Variants in GRID2 observed in about 807,000 individuals in gnomAD.
GRID2 encodes the protein glutamate ionotropic receptor delta type subunit 2, also known as glutamate receptor ionotropic, delta-2.
GRID2 carries 33 observed loss-of-function variants against 114.8 expected under a neutral mutation model. The observed-to-expected ratio is 0.29, with a 90% CI of 0.22 to 0.38. The LOEUF (loss-of-function observed/expected upper bound fraction) is 0.38. Ranked by LOEUF, GRID2 falls within the 10% of genes least tolerant of loss-of-function variation. The pLI is 1.00. For missense variants in GRID2, 1,184 were observed against 1,257.7 expected, an observed-to-expected ratio of 0.94 and a Z score of 0.89; for synonymous variants, 505 against 449.9, an observed-to-expected ratio of 1.12 and a Z score of -1.55.
intron 2 of GRID2, among the ~76,000 whole-genome samples, chr4:92,599,218 A>G (rs572903184): frequency 6.6e-6 from 1 of 152,194 alleles, no homozygotes; most frequent in Non-Finnish European, 1.5e-5. Flanking sequence ...TGGGAAGTAG[A>G]GAAAGGCCAT....
rs1205777592 is a variant in GRID2, at chr4:93,497,426, G to A, written c.1997+6649G>A. On this transcript the variant is annotated intron_variant, in intron 12 of 15. Coordinates refer to ENST00000282020, the MANE Select transcript of GRID2 (RefSeq NM_001510.4). The stretch of plus-strand genomic sequence containing the variant: ...GATTGTGCTTTTGGTTTCATGTCTA[G>A]CACTCTTCAATAAGTCCAAGGTCAT... Among the ~76,000 whole-genome samples the A allele has an allele frequency of 4.0e-5, 6 of 151,628 alleles. No individual in the cohort carries two copies. In the East Asian group the frequency reaches 1.2e-3, roughly 29 times the overall value.
chr4:93,084,957 C>A, intron 2 of GRID2, 38 bp from the exon 3 acceptor site: 1 of 1,558,632 alleles, frequency 6.4e-7, no homozygotes, highest in Non-Finnish European at 8.8e-7. Flanking sequence ...CTATGTGAAA[C>A]CCACTGACAT....
chr4:92,697,895 G>A (rs2149298682), intron 2 of GRID2, among the ~76,000 whole-genome samples: 1 of 152,180 alleles, frequency 6.6e-6, no homozygotes, highest in Non-Finnish European at 1.5e-5. Context: ...GAGATAGCAT[G>A]AGAGAAGTCT....
intron 1 of GRID2, among the ~76,000 whole-genome samples, chr4:92,477,083 GTGTGTGTGTGTGTGT>G (rs1312392657): frequency 7.1e-6 from 1 of 141,088 alleles, no homozygotes; most frequent in Non-Finnish European, 1.6e-5. Flanking sequence ...GTGTGTGTGT[GTGTGTGTGTGTGTGT>G]TTGCTTAGTA....
intron 2 of GRID2, among the ~76,000 whole-genome samples, chr4:92,812,638 A>G (rs1740715251): frequency 6.6e-6 from 1 of 152,106 alleles, no homozygotes; most frequent in African/African-American, 2.4e-5. Flanking sequence ...TTCTTATCCA[A>G]GCTGAATTAT....
Position 92,749,556 on chromosome 4 carries a change from G to A in GRID2, c.244+159270G>A, listed in dbSNP as rs1385878025. On this transcript the variant is annotated intron_variant, in intron 2 of 15. Coordinates refer to ENST00000282020, the MANE Select transcript of GRID2 (RefSeq NM_001510.4). ...TCTCCATCTCTTGACCTCGTGATCC[G>A]CCCGCCTCGGCCTCCCAAGATTTGT... is the stretch of plus-strand genomic sequence containing the variant. Among the ~76,000 whole-genome samples, 6 of 151,962 alleles carry A rather than the reference G, an allele frequency of 3.9e-5. No homozygotes were observed. The East Asian group carries it at 9.7e-4, about 25-fold the overall frequency.
At chr4:93,203,878 AG>A (rs1742376609) in intron 4 of GRID2, 1 of 152,132 alleles carries the variant, frequency 6.6e-6, no homozygotes, top group African/African-American at 2.4e-5. Context: ...AGCACATGGG[AG>A]GTTTTATGAG....
chr4:93,354,931 G>A (rs577564044), intron 8 of GRID2, among the ~76,000 whole-genome samples: 4 of 135,770 alleles, frequency 2.9e-5, no homozygotes, highest in African/African-American at 5.3e-5. Context: ...GTTGCCCCCT[G>A]AGTGTGTGAA....
intron 1 of GRID2, among the ~76,000 whole-genome samples, chr4:92,331,993 G>A (rs893327395): frequency 2.0e-5 from 3 of 152,260 alleles, no homozygotes; most frequent in African/African-American, 7.2e-5. Context: ...TCTCTTGTCA[G>A]TGGTAGTTGG....
At chr4:92,994,384 C>T (rs1254533566) in intron 2 of GRID2, among the ~76,000 whole-genome samples, 1 of 152,012 alleles carries the variant, frequency 6.6e-6, no homozygotes, top group Non-Finnish European at 1.5e-5. Context: ...CGGAGTTTTG[C>T]TCTTGTTACC....
chr4:93,763,367 C>T (rs949091976), intron 14 of GRID2, among the ~76,000 whole-genome samples: 2 of 152,118 alleles, frequency 1.3e-5, no homozygotes, highest in African/African-American at 4.8e-5. Context: ...CCCCACTGCT[C>T]AGTAGGCACA....
chr4:92,412,065 A>G (rs931525935), intron 1 of GRID2, among the ~76,000 whole-genome samples: 1 of 151,528 alleles, frequency 6.6e-6, no homozygotes. Flanking sequence ...TCTATTTACT[A>G]TACATTTTTA....
chr4:93,149,263 C>A (rs1736524148), intron 4 of GRID2, among the ~76,000 whole-genome samples: 1 of 152,084 alleles, frequency 6.6e-6, no homozygotes, highest in Admixed American at 6.6e-5. Context: ...ACAAGGAATT[C>A]AAATATTGTC....
At chr4:92,747,730 T>C (rs1737223346) in intron 2 of GRID2, among the ~76,000 whole-genome samples, 3 of 152,192 alleles carry the variant, frequency 2.0e-5, no homozygotes, top group Non-Finnish European at 2.9e-5. Context: ...CCTGATCCTA[T>C]TAAGAATCAA....
chr4:92,466,790 A>C (rs1009809198), intron 1 of GRID2, among the ~76,000 whole-genome samples: 5 of 151,688 alleles, frequency 3.3e-5, no homozygotes, highest in African/African-American at 1.2e-4. Flanking sequence ...TAGGTAAATG[A>C]ATATATATCT....
intron 2 of GRID2, among the ~76,000 whole-genome samples, chr4:92,860,993 A>C (rs1744490256): frequency 6.6e-6 from 1 of 152,082 alleles, no homozygotes; most frequent in Admixed American, 6.6e-5. Flanking sequence ...AGTTTAAATA[A>C]AGTTATAAAT....
At chr4:92,516,475 G>A (rs975322596) in intron 1 of GRID2, among the ~76,000 whole-genome samples, 7 of 151,750 alleles carry the variant, frequency 4.6e-5, no homozygotes, top group African/African-American at 1.2e-4. Context: ...CAACCCTATC[G>A]TTTCAAATTA....
chr4:92,891,357 C>T (rs982850188), intron 2 of GRID2, among the ~76,000 whole-genome samples: 3 of 152,136 alleles, frequency 2.0e-5, no homozygotes, highest in African/African-American at 7.2e-5. Context: ...TTGTATTACA[C>T]ACTAAAGATA....
chr4:93,220,431 C>T (rs569338241), intron 6 of GRID2, among the ~76,000 whole-genome samples: 1 of 152,166 alleles, frequency 6.6e-6, no homozygotes, highest in South Asian at 2.1e-4. Context: ...AACACTCTGG[C>T]CTCAGACAGA....
Sources: allele counts gnomAD v4.1 joint callset (sites outside exome capture counted in the v4.1 genomes callset), GRCh38; gene constraint gnomAD v4.1.1; transcripts MANE v1.5; gene names NCBI Gene and HGNC (gene_info 2026-07-23, HGNC 2026-07-21).